Variants in HS6ST3 observed in about 807,000 individuals in gnomAD.
The protein encoded by HS6ST3 is heparan sulfate 6-O-sulfotransferase 3.
Under a neutral mutation model 36.7 loss-of-function variants are expected in HS6ST3, and 12 were observed. The observed-to-expected ratio is 0.33, with a 90% CI of 0.21 to 0.53. The LOEUF is 0.53. Ranked by LOEUF, HS6ST3 falls within the 20% of genes least tolerant of loss-of-function variation. HS6ST3 has a pLI of 0.95. For synonymous variants in HS6ST3, 240 were observed against 257.5 expected, an observed-to-expected ratio of 0.93 and a Z score of 0.65; for missense variants, 584 against 640.9, an observed-to-expected ratio of 0.91 and a Z score of 0.96.
At position 96,356,822 on chromosome 13, in the gene HS6ST3, T is replaced by C. The variant is rs185487437; in HGVS notation, c.707+265253T>C. Among the ~76,000 whole-genome samples the C allele has an allele frequency of 2.6e-5, 4 of 152,348 alleles. No individual in the cohort carries two copies. In the East Asian group the frequency reaches 7.7e-4, roughly 29 times the overall value. On this transcript the variant is annotated intron_variant, in intron 1 of 1. Transcript: ENST00000376705. Reference sequence around the variant, plus strand: ...TCTTTTGAAGCTTTGAAGTCAGTCATTGACTTCTCTTTAGCTATGAAAATC... The same window carrying C: ...TCTTTTGAAGCTTTGAAGTCAGTCACTGACTTCTCTTTAGCTATGAAAATC...
intron 1 of HS6ST3, among the ~76,000 whole-genome samples, chr13:96,099,887 G>A (rs2053809553): frequency 6.6e-6 from 1 of 152,176 alleles, no homozygotes; most frequent in Non-Finnish European, 1.5e-5. Context: ...AACTTCAAAT[G>A]TGAAAATATA....
intron 1 of HS6ST3, among the ~76,000 whole-genome samples, chr13:96,751,113 A>G (rs1254330589): frequency 6.6e-6 from 1 of 152,180 alleles, no homozygotes; most frequent in African/African-American, 2.4e-5. Context: ...AGTATTTAAA[A>G]TAAAACATAT....
At chr13:96,584,090 A>AG (rs2056352234) in intron 1 of HS6ST3, among the ~76,000 whole-genome samples, 1 of 152,086 alleles carries the variant, frequency 6.6e-6, no homozygotes, top group Non-Finnish European at 1.5e-5. Flanking sequence ...ACTTATGACT[A>AG]TCTGCATTCA....
At chr13:96,188,916 T>G (rs2054276788) in intron 1 of HS6ST3, among the ~76,000 whole-genome samples, 1 of 152,214 alleles carries the variant, frequency 6.6e-6, no homozygotes, top group Non-Finnish European at 1.5e-5. Flanking sequence ...GTATTTAATT[T>G]TTGACAGAAA....
chr13:96,437,987 G>C (rs1459411192), intron 1 of HS6ST3, among the ~76,000 whole-genome samples: 4 of 152,184 alleles, frequency 2.6e-5, no homozygotes, highest in Non-Finnish European at 5.9e-5. Flanking sequence ...TCTCCAACCT[G>C]TATTAGGAAG....
intron 1 of HS6ST3, among the ~76,000 whole-genome samples, chr13:96,387,717 A>T (rs2055375416): frequency 6.6e-6 from 1 of 152,186 alleles, no homozygotes; most frequent in African/African-American, 2.4e-5. Context: ...TGCAAATATC[A>T]TCTTCCCCAT....
intron 1 of HS6ST3, among the ~76,000 whole-genome samples, chr13:96,165,267 T>C (rs2054155026): frequency 6.6e-6 from 1 of 152,196 alleles, no homozygotes; most frequent in Non-Finnish European, 1.5e-5. Context: ...TGACTCCTTC[T>C]TTCTATAGGT....
chr13:96,285,776 T>G (rs147421503), intron 1 of HS6ST3, among the ~76,000 whole-genome samples: 75 of 152,208 alleles, frequency 4.9e-4, no homozygotes, highest in African/African-American at 1.7e-3. Context: ...AACTGGCAAG[T>G]CTTATGGTTC....
chr13:96,467,387 G>A (rs138622373), intron 1 of HS6ST3, among the ~76,000 whole-genome samples: 1 of 152,258 alleles, frequency 6.6e-6, no homozygotes, highest in African/African-American at 2.4e-5. Context: ...AGGAAAAGAG[G>A]AGCAAGATCA....
intron 1 of HS6ST3, among the ~76,000 whole-genome samples, chr13:96,740,825 C>T (rs1379494056): frequency 1.3e-5 from 2 of 152,164 alleles, no homozygotes; most frequent in Non-Finnish European, 2.9e-5. Flanking sequence ...AAGGGGGAGA[C>T]AGAAGTCAGC....
chr13:96,160,769 G>A (rs758813404), intron 1 of HS6ST3, among the ~76,000 whole-genome samples: 2 of 152,224 alleles, frequency 1.3e-5, no homozygotes, highest in Non-Finnish European at 2.9e-5. Context: ...CCCAGAGGGT[G>A]TACAATCTGA....
intron 1 of HS6ST3, among the ~76,000 whole-genome samples, chr13:96,731,416 C>A (rs148936350): frequency 6.6e-6 from 1 of 152,100 alleles, no homozygotes; most frequent in African/African-American, 2.4e-5. Context: ...TCGCAAATGA[C>A]GGGATTTCCT....
intron 1 of HS6ST3, among the ~76,000 whole-genome samples, chr13:96,769,188 C>T (rs1249996554): frequency 1.3e-5 from 2 of 152,110 alleles, no homozygotes; most frequent in Non-Finnish European, 1.5e-5. Context: ...TTCAACAGGG[C>T]AGTAACACTT....
intron 1 of HS6ST3, among the ~76,000 whole-genome samples, chr13:96,616,719 G>A (rs2056475523): frequency 6.6e-6 from 1 of 152,138 alleles, no homozygotes; most frequent in Non-Finnish European, 1.5e-5. Flanking sequence ...TTATATCTCT[G>A]AGGTAACTTA....
intron 1 of HS6ST3, among the ~76,000 whole-genome samples, chr13:96,761,136 A>G (rs1321238319): frequency 2.0e-5 from 3 of 148,408 alleles, no homozygotes; most frequent in African/African-American, 7.5e-5. Flanking sequence ...TTTTTTTGAG[A>G]CAGGTCCTCA....
intron 1 of HS6ST3, among the ~76,000 whole-genome samples, chr13:96,626,322 A>G (rs2056512257): frequency 6.6e-6 from 1 of 152,116 alleles, no homozygotes; most frequent in South Asian, 2.1e-4. Context: ...ATGCAATCTA[A>G]TTTTATTTTT....
intron 1 of HS6ST3, among the ~76,000 whole-genome samples, chr13:96,740,701 A>G (rs956006928): frequency 6.6e-6 from 1 of 152,130 alleles, no homozygotes; most frequent in Non-Finnish European, 1.5e-5. Context: ...CTCTCATGCC[A>G]TTGCTTTACT....
At chr13:96,219,691 T>G (rs1023910151) in intron 1 of HS6ST3, among the ~76,000 whole-genome samples, 1 of 149,356 alleles carries the variant, frequency 6.7e-6, no homozygotes, top group African/African-American at 2.4e-5. Flanking sequence ...TTCTCTTTCT[T>G]TTTTTTTTTT....
chr13:96,601,031 G>T (rs1422063543), intron 1 of HS6ST3, among the ~76,000 whole-genome samples: 1 of 152,066 alleles, frequency 6.6e-6, no homozygotes, highest in African/African-American at 2.4e-5. Context: ...ATTGAGAAGT[G>T]TACTATTAGT....
Sources: allele counts gnomAD v4.1 joint callset (sites outside exome capture counted in the v4.1 genomes callset), GRCh38; gene constraint gnomAD v4.1.1; transcripts MANE v1.5; gene names NCBI Gene and HGNC (gene_info 2026-07-23, HGNC 2026-07-21).